AGBL1: variants seen among roughly 807,000 people sequenced by gnomAD.
AGBL1 encodes the protein AGBL carboxypeptidase 1, also known as cytosolic carboxypeptidase 4.
AGBL1 carries 130 observed loss-of-function variants against 118.9 expected under a neutral mutation model. The ratio of observed to expected loss-of-function variants is 1.09; its 90% CI spans 0.95 to 1.26. The LOEUF (loss-of-function observed/expected upper bound fraction) is 1.26. Among genes scored for constraint, AGBL1 ranks in the 50% most tolerant of loss-of-function variants. AGBL1 has a pLI of 0.00. For synonymous variants in AGBL1, 555 were observed against 478.9 expected, an observed-to-expected ratio of 1.16 and a Z score of -2.08; for missense variants, 1,584 against 1,298.1, an observed-to-expected ratio of 1.22 and a Z score of -3.38.
chr15:86,271,082 G>A (rs866445534), intron 14 of AGBL1, among the ~76,000 whole-genome samples: 31 of 117,502 alleles, frequency 2.6e-4, no homozygotes, highest in African/African-American at 5.5e-4. Context: ...ACAGAGTCTC[G>A]CTCTGTCACC....
At chr15:86,857,731 C>A (rs959030792) in intron 22 of AGBL1, among the ~76,000 whole-genome samples, 49 of 152,154 alleles carry the variant, frequency 3.2e-4, no homozygotes, top group African/African-American at 1.1e-3. Flanking sequence ...AGGGCAAGGA[C>A]GGTGTCCGTC....
At chr15:86,116,859 C>T (rs1351307076) in intron 1 of AGBL1, 1 of 152,176 alleles carries the variant, frequency 6.6e-6, no homozygotes, top group Non-Finnish European at 1.5e-5. Flanking sequence ...ATAAATCTCT[C>T]TCACTGGTTC....
intron 5 of AGBL1, among the ~76,000 whole-genome samples, chr15:86,188,067 A>G (rs1276429900): frequency 1.3e-5 from 2 of 152,246 alleles, no homozygotes; most frequent in Non-Finnish European, 2.9e-5. Flanking sequence ...GCTTAATAGT[A>G]GCTACTGAAT....
intron 1 of AGBL1, among the ~76,000 whole-genome samples, chr15:86,133,224 C>T (rs921320209): frequency 6.6e-5 from 10 of 152,186 alleles, no homozygotes; most frequent in African/African-American, 2.4e-4. Context: ...TTCTGTGCCT[C>T]AGCCTCACTA....
intron 5 of AGBL1, among the ~76,000 whole-genome samples, chr15:86,207,715 G>C (rs934990640): frequency 1.1e-4 from 16 of 152,232 alleles, no homozygotes; most frequent in African/African-American, 3.9e-4. Flanking sequence ...ATTTTGGGCT[G>C]AGACAATGGG....
At chr15:87,015,061 T>G (rs972229886) in intron 24 of AGBL1, among the ~76,000 whole-genome samples, 11 of 152,242 alleles carry the variant, frequency 7.2e-5, no homozygotes, top group Non-Finnish European at 1.6e-4. Flanking sequence ...TGGAAAAGCA[T>G]CAATTCTCTC....
At chr15:87,021,572 G>T (rs1188331139) in intron 24 of AGBL1, among the ~76,000 whole-genome samples, 1 of 152,014 alleles carries the variant, frequency 6.6e-6, no homozygotes, top group South Asian at 2.1e-4. Flanking sequence ...TACAAAATAG[G>T]AGAAAATTTT....
intron 21 of AGBL1, among the ~76,000 whole-genome samples, chr15:86,600,995 T>C (rs1349534496): frequency 5.3e-5 from 8 of 152,166 alleles, no homozygotes; most frequent in Non-Finnish European, 1.0e-4. Flanking sequence ...GCTCCATTTG[T>C]AATTTCTTCA....
At chr15:86,866,260 G>A (rs2079627469) in intron 22 of AGBL1, among the ~76,000 whole-genome samples, 1 of 152,140 alleles carries the variant, frequency 6.6e-6, no homozygotes, top group South Asian at 2.1e-4. Context: ...TTTTAATAGT[G>A]ACCATTATCA....
At chr15:86,824,885 C>A (rs762349512) in intron 22 of AGBL1, among the ~76,000 whole-genome samples, 9 of 152,042 alleles carry the variant, frequency 5.9e-5, no homozygotes, top group African/African-American at 1.9e-4. Context: ...TGGAAAAACA[C>A]GATCTCTACT....
At chr15:86,133,507 C>A (rs891772546) in intron 1 of AGBL1, among the ~76,000 whole-genome samples, 4 of 152,208 alleles carry the variant, frequency 2.6e-5, no homozygotes, top group African/African-American at 9.6e-5. Context: ...AACTTCGAAG[C>A]TTTGTAAGAA....
intron 21 of AGBL1, among the ~76,000 whole-genome samples, chr15:86,596,618 T>C (rs1162690430): frequency 6.6e-6 from 1 of 152,104 alleles, no homozygotes; most frequent in Non-Finnish European, 1.5e-5. Context: ...GAGATATACT[T>C]GGCTAACAAC....
At chr15:86,506,511 A>G (rs551627517) in intron 18 of AGBL1, among the ~76,000 whole-genome samples, 5 of 152,168 alleles carry the variant, frequency 3.3e-5, no homozygotes, top group Middle Eastern at 6.8e-3. Context: ...AGTGCTGCTG[A>G]TTCCTTTTGC....
At chr15:86,097,535 C>CTTT (rs529913129) in intron 1 of AGBL1, among the ~76,000 whole-genome samples, 1,540 of 139,192 alleles carry the variant, frequency 0.011, 10 homozygotes, top group East Asian at 0.023. Context: ...ATGAGATCCA[C>CTTT]TTTTTTTTTT....
In AGBL1 at chr15:86,264,523, C is replaced by G. The variant is rs79186009; in HGVS notation, c.1352C>G (p.Ser451Cys). 1 of 1,614,038 alleles carries G rather than the reference C, an allele frequency of 6.2e-7. No individual in the cohort carries two copies. Among genetic ancestry groups the G allele is most frequent in the Admixed American group, 1.7e-5 (1 of 60,028 alleles). ...CAATCCAATAGTCTCAGGAGAGATT[C>G]TTCTGAAAGTGAAATCCCTGACATT... ...NVQSNSLRRD[S>C]SESEIPDIQA... Residue 451 changes from serine (S) to cysteine (C), a missense_variant, in exon 11 of 23, where the codon TCT (serine) becomes TGT (cysteine). Physicochemically the swap from Ser to Cys is moderately radical, Grantham distance 112. Coordinates refer to ENST00000614907, the MANE Select transcript of AGBL1 (RefSeq NM_001386094.1).
chr15:86,114,289 G>T (rs979375274), intron 1 of AGBL1, among the ~76,000 whole-genome samples: 6 of 152,176 alleles, frequency 3.9e-5, no homozygotes, highest in African/African-American at 7.2e-5. Context: ...TGGACCCTTG[G>T]GGGAGGTGAG....
chr15:86,173,102 G>T (rs1236017360), intron 5 of AGBL1: 1 of 151,926 alleles, frequency 6.6e-6, no homozygotes, highest in African/African-American at 2.4e-5. Context: ...TTGGTGATTC[G>T]TGATAGTGAG....
chr15:86,240,920 C>G lies in AGBL1; in HGVS notation c.527-6751C>G, dbSNP rs142386504. Among the ~76,000 whole-genome samples the G allele has an allele frequency of 4.0e-3, 616 of 152,266 alleles. 6 individuals carry two copies. Among genetic ancestry groups the G allele is most frequent in the African/African-American group, 0.014 (571 of 41,548 alleles). ...TAAAGGTGGCATATTAAACATGTAA[C>G]TGCTATCAGTCACATGGATCTTAGA... On this transcript the variant is annotated intron_variant, in intron 6 of 22. Coordinates refer to ENST00000614907, the MANE Select transcript of AGBL1 (RefSeq NM_001386094.1).
intron 7 of AGBL1, among the ~76,000 whole-genome samples, chr15:86,254,255 C>T (rs574717163): frequency 2.6e-5 from 4 of 152,324 alleles, no homozygotes; most frequent in South Asian, 4.1e-4. Context: ...GCTTACTATT[C>T]GGCACTTGCC....
Sources: allele counts gnomAD v4.1 joint callset (sites outside exome capture counted in the v4.1 genomes callset), GRCh38; gene constraint gnomAD v4.1.1; transcripts MANE v1.5; gene names NCBI Gene and HGNC (gene_info 2026-07-23, HGNC 2026-07-21).